ADAMTSL1: variants seen among roughly 807,000 people sequenced by gnomAD.
ADAMTSL1 encodes ADAMTS-like protein 1.
ADAMTSL1 carries 126 observed loss-of-function variants against 201.8 expected under a neutral mutation model. The ratio of observed to expected loss-of-function variants is 0.62; its 90% CI spans 0.54 to 0.72. The LOEUF is 0.72. Among genes scored for constraint, ADAMTSL1 ranks in the 30% least tolerant of loss-of-function variants. The pLI is 0.00. For synonymous variants in ADAMTSL1, 1,121 were observed against 903.4 expected (o/e 1.24, Z -4.32); for missense variants, 2,679 against 2,277.8 (o/e 1.18, Z -3.59).
At chr9:17,992,559 T>C (rs1247390131) in intron 1 of ADAMTSL1, among the ~76,000 whole-genome samples, 1 of 152,090 alleles carries the variant, frequency 6.6e-6, no homozygotes, top group Admixed American at 6.6e-5. Flanking sequence ...GGGGGATCAC[T>C]TGAGTCATCT....
At chr9:18,327,800 A>G (rs990891365) in intron 2 of ADAMTSL1, among the ~76,000 whole-genome samples, 3 of 152,250 alleles carry the variant, frequency 2.0e-5, no homozygotes, top group Non-Finnish European at 4.4e-5. Context: ...AATAAATCCA[A>G]TTAGGAAAAG....
intron 4 of ADAMTSL1, among the ~76,000 whole-genome samples, chr9:18,579,306 G>A (rs1470091734): frequency 7.0e-6 from 1 of 143,098 alleles, no homozygotes; most frequent in Non-Finnish European, 1.5e-5. Flanking sequence ...GAGATCACAT[G>A]GACACAGGAA....
intron 1 of ADAMTSL1, among the ~76,000 whole-genome samples, chr9:17,934,570 C>T (rs1187420952): frequency 6.6e-6 from 1 of 152,112 alleles, no homozygotes; most frequent in South Asian, 2.1e-4. Context: ...AACAATGATA[C>T]CAAATTTCCC....
chr9:18,100,593 C>G lies in ADAMTSL1; in HGVS notation c.88-63269C>G, dbSNP rs78803486. Among the ~76,000 whole-genome samples the G allele has an allele frequency of 6.1e-3, 936 of 152,302 alleles. 6 individuals are homozygous for G. Among genetic ancestry groups the G allele is most frequent in the Non-Finnish European group, 7.3e-3 (499 of 68,026 alleles). On this transcript the variant is annotated intron_variant, in intron 1 of 29. Coordinates refer to the ADAMTSL1 transcript ENST00000680146. Reference sequence around the variant, plus strand: ...AAACTTCCTAAGTCTATTCCCCTCCCCTATTTTTTTCTGGACCTTCTCTTT... The same window carrying G: ...AAACTTCCTAAGTCTATTCCCCTCCGCTATTTTTTTCTGGACCTTCTCTTT...
intron 3 of ADAMTSL1, among the ~76,000 whole-genome samples, chr9:18,571,213 T>A (rs929025532): frequency 1.3e-5 from 2 of 152,208 alleles, no homozygotes; most frequent in Admixed American, 1.3e-4. Flanking sequence ...GACACTTTTA[T>A]CAGAATTGGA....
intron 2 of ADAMTSL1, among the ~76,000 whole-genome samples, chr9:18,287,610 T>C: frequency 1.3e-5 from 1 of 79,176 alleles, no homozygotes; most frequent in African/African-American, 5.2e-5. Context: ...TATATGCATA[T>C]ATGTATGTGT....
intron 1 of ADAMTSL1, among the ~76,000 whole-genome samples, chr9:18,038,515 T>C (rs1234651615): frequency 6.6e-6 from 1 of 152,204 alleles, no homozygotes; most frequent in Admixed American, 6.5e-5. Context: ...GTTTTCAAGC[T>C]GATGGCAATT....
chr9:18,902,173 G>T (rs1392535321), intron 26 of ADAMTSL1, among the ~76,000 whole-genome samples: 1 of 152,112 alleles, frequency 6.6e-6, no homozygotes, highest in African/African-American at 2.4e-5. Context: ...AGAAACTTCA[G>T]AAACCCACTT....
chr9:18,532,593 A>G (rs908000202), intron 2 of ADAMTSL1, among the ~76,000 whole-genome samples: 3 of 152,030 alleles, frequency 2.0e-5, no homozygotes, highest in Non-Finnish European at 4.4e-5. Context: ...TTTAAGTGGA[A>G]ACAAAAACAG....
intron 2 of ADAMTSL1, among the ~76,000 whole-genome samples, chr9:18,368,158 G>A (rs1053045726): frequency 7.9e-5 from 12 of 151,736 alleles, no homozygotes; most frequent in Admixed American, 2.0e-4. Flanking sequence ...CTCGTGATCC[G>A]CCTGCCTTGG....
intron 1 of ADAMTSL1, among the ~76,000 whole-genome samples, chr9:17,981,729 T>C (rs1050327976): frequency 3.9e-5 from 6 of 152,354 alleles, no homozygotes; most frequent in Non-Finnish European, 8.8e-5. Flanking sequence ...AGGTTCACTG[T>C]ATGATCACAC....
chr9:18,383,320 A>G (rs1837640172), intron 2 of ADAMTSL1, among the ~76,000 whole-genome samples: 1 of 152,074 alleles, frequency 6.6e-6, no homozygotes, highest in Admixed American at 6.6e-5. Context: ...TAAGGAGAGG[A>G]CACTGTCACC....
At chr9:18,636,915 C>G (rs1173842219) in intron 6 of ADAMTSL1, among the ~76,000 whole-genome samples, 1 of 152,106 alleles carries the variant, frequency 6.6e-6, no homozygotes, top group Non-Finnish European at 1.5e-5. Context: ...TCTCCCCTCC[C>G]ACACAAATGC....
At chr9:18,072,707 C>T (rs1823022765) in intron 1 of ADAMTSL1, among the ~76,000 whole-genome samples, 2 of 152,154 alleles carry the variant, frequency 1.3e-5, no homozygotes, top group South Asian at 4.1e-4. Context: ...ATGTTTTTAT[C>T]CAGGCATTTT....
At chr9:18,087,136 C>A (rs1823802271) in intron 1 of ADAMTSL1, among the ~76,000 whole-genome samples, 1 of 152,106 alleles carries the variant, frequency 6.6e-6, no homozygotes, top group African/African-American at 2.4e-5. Flanking sequence ...TTTGTGCTTT[C>A]ATTTTTCTCA....
chr9:17,974,845 TC>T (rs1464835555), intron 1 of ADAMTSL1, among the ~76,000 whole-genome samples: 1 of 152,092 alleles, frequency 6.6e-6, no homozygotes, highest in Non-Finnish European at 1.5e-5. Flanking sequence ...AACATGGGGT[TC>T]TTTGGGATAG....
chr9:18,382,816 A>T (rs181835320), intron 2 of ADAMTSL1, among the ~76,000 whole-genome samples: 1 of 152,338 alleles, frequency 6.6e-6, no homozygotes, highest in Admixed American at 6.5e-5. Context: ...GTTCTAAGTT[A>T]TGATGAACAA....
intron 1 of ADAMTSL1, among the ~76,000 whole-genome samples, chr9:18,043,330 G>T (rs990618692): frequency 2.6e-5 from 4 of 152,084 alleles, no homozygotes; most frequent in African/African-American, 9.7e-5. Flanking sequence ...GGGAAAAAAT[G>T]CCCAAGAAAG....
chr9:18,127,722 G>A (rs1825797304), intron 1 of ADAMTSL1, among the ~76,000 whole-genome samples: 1 of 152,034 alleles, frequency 6.6e-6, no homozygotes, highest in Admixed American at 6.5e-5. Flanking sequence ...GGGAATGGGT[G>A]GGGAAAAAGG....
Sources: gnomAD v4.1 joint callset for allele counts (sites outside exome capture counted in the v4.1 genomes callset) on GRCh38, gnomAD v4.1.1 for gene constraint, MANE v1.5 for transcripts, NCBI Gene and HGNC (gene_info 2026-07-23, HGNC 2026-07-21) for gene names.